Variants in FOCAD observed in about 807,000 individuals in gnomAD.
FOCAD encodes focadhesin, also known as KIAA1797.
Under a neutral mutation model 225.6 loss-of-function variants are expected in FOCAD, and 198 were observed. The ratio of observed to expected loss-of-function variants is 0.88; its 90% CI spans 0.78 to 0.99. The LOEUF is 0.99. Among genes scored for constraint, FOCAD ranks in the 50% least tolerant of loss-of-function variants. The pLI is 0.00. For missense variants in FOCAD, 2,713 were observed against 2,123.6 expected (o/e 1.28, Z -5.46); for synonymous variants, 897 against 755.0 (o/e 1.19, Z -3.08).
chr9:20,961,958 A>G (rs1051987568), intron 35 of FOCAD, among the ~76,000 whole-genome samples: 1 of 152,174 alleles, frequency 6.6e-6, no homozygotes, highest in Non-Finnish European at 1.5e-5. Flanking sequence ...AGAATCATCA[A>G]TTTATTTTAA....
intron 3 of FOCAD, among the ~76,000 whole-genome samples, chr9:20,719,622 A>G (rs1020085049): frequency 6.6e-6 from 1 of 152,102 alleles, no homozygotes; most frequent in African/African-American, 2.4e-5. Context: ...TGAGAAAGTT[A>G]TAAAAGCTAG....
chr9:20,755,806 G>GT (rs1351734127), intron 5 of FOCAD, among the ~76,000 whole-genome samples: 7 of 151,990 alleles, frequency 4.6e-5, no homozygotes, highest in Admixed American at 1.3e-4. Context: ...TGTAGTGAGT[G>GT]TTTTTTTGTT....
At chr9:20,984,264 C>T (rs1181780750) in intron 39 of FOCAD, among the ~76,000 whole-genome samples, 2 of 152,194 alleles carry the variant, frequency 1.3e-5, no homozygotes, top group Non-Finnish European at 2.9e-5. Context: ...GTTTCCCCAT[C>T]TGTAAAGGTG....
Position 20,862,617 on chromosome 9 carries a change from A to G in FOCAD, c.1960A>G (p.Lys654Glu). 1 of 1,613,624 alleles carries G rather than the reference A, an allele frequency of 6.2e-7. No homozygotes were observed. The highest frequency in any genetic ancestry group is 8.5e-7 in the Non-Finnish European group (1 of 1,179,668). Residue 654 changes from lysine to glutamate, a missense_variant, in exon 16 of 44, where the codon AAG becomes GAG. By Grantham distance (56) the Lys-to-Glu change is moderately conservative. Transcript: ENST00000338382. ...CTCCACTTGGAATGCTCTCTCTCCA[A>G]AGCTGAGTTGTGACACAAGACCTCT... is the stretch of plus-strand genomic sequence containing the variant. ...IRSTWNALSP[K>E]LSCDTRPLIL...
intron 37 of FOCAD, among the ~76,000 whole-genome samples, chr9:20,978,731 A>G (rs1233808364): frequency 1.3e-5 from 2 of 152,280 alleles, no homozygotes; most frequent in African/African-American, 2.4e-5. Flanking sequence ...TCATATAGCT[A>G]GAAAGTGGTG....
At chr9:20,840,496 A>C (rs1179399064) in intron 15 of FOCAD, among the ~76,000 whole-genome samples, 1 of 150,328 alleles carries the variant, frequency 6.7e-6, no homozygotes, top group Non-Finnish European at 1.5e-5. Flanking sequence ...GTTTATACTT[A>C]GGTATTTTAT....
At chr9:20,871,068 T>G (rs1203896340) in intron 18 of FOCAD, among the ~76,000 whole-genome samples, 1 of 151,774 alleles carries the variant, frequency 6.6e-6, no homozygotes, top group Non-Finnish European at 1.5e-5. Context: ...CCGGGAGTGG[T>G]GGTGCGGGGC....
chr9:20,993,099 A>G (rs973658541), intron 42 of FOCAD, among the ~76,000 whole-genome samples, 154 bp from the exon 43 acceptor site: 1 of 151,884 alleles, frequency 6.6e-6, no homozygotes, highest in Non-Finnish European at 1.5e-5. Context: ...CATCTCCTCC[A>G]CCTGGGGAAG....
intron 15 of FOCAD, among the ~76,000 whole-genome samples, chr9:20,829,468 G>T (rs1470985367): frequency 1.3e-5 from 2 of 151,796 alleles, no homozygotes; most frequent in Non-Finnish European, 2.9e-5. Context: ...GATATCCCAT[G>T]TAGTTTTCAT....
At chr9:20,695,195 A>AT (rs112576059) in intron 1 of FOCAD, among the ~76,000 whole-genome samples, 10 of 151,268 alleles carry the variant, frequency 6.6e-5, no homozygotes, top group African/African-American at 2.2e-4. Context: ...TTAGTGGCAA[A>AT]TTTTTTTTTA....
chr9:20,922,985 T>A (rs1431648193), intron 24 of FOCAD, among the ~76,000 whole-genome samples: 2 of 152,214 alleles, frequency 1.3e-5, no homozygotes, highest in Non-Finnish European at 2.9e-5. Flanking sequence ...ATTGCTGATA[T>A]TAGAAGGCTA....
At chr9:20,921,583 G>A (rs570503994) in intron 24 of FOCAD, among the ~76,000 whole-genome samples, 2 of 152,318 alleles carry the variant, frequency 1.3e-5, no homozygotes, top group Non-Finnish European at 2.9e-5. Flanking sequence ...TCAAGAGTTA[G>A]TCATGGTACC....
chr9:20,853,295 A>C (rs1429080118), intron 15 of FOCAD, among the ~76,000 whole-genome samples: 1 of 151,766 alleles, frequency 6.6e-6, no homozygotes, highest in Non-Finnish European at 1.5e-5. Flanking sequence ...ATAAAAAAGA[A>C]ACCTAACGTC....
intron 2 of FOCAD, among the ~76,000 whole-genome samples, chr9:20,664,064 C>T (rs1449878326): frequency 1.3e-5 from 2 of 151,906 alleles, no homozygotes; most frequent in Non-Finnish European, 2.9e-5. Flanking sequence ...AAAATATCAG[C>T]ATTGTTGTTT....
rs546741078 is a variant in FOCAD, at chr9:20,800,628, A to C, written c.1455+11020A>C. On this transcript the variant is annotated intron_variant, in intron 11 of 43. Coordinates refer to ENST00000338382, the MANE Select transcript of FOCAD (RefSeq NM_001375567.1). ...TTCCATCACTGATACCCTTTCTTCC[A>C]GTTGATCGAATCGGCTACTGAGGCT... Among the ~76,000 whole-genome samples, 11 of 152,152 alleles carry C rather than the reference A, an allele frequency of 7.2e-5. No homozygotes were observed. In the East Asian group the frequency reaches 1.9e-3, roughly 27 times the overall value.
intron 4 of FOCAD, among the ~76,000 whole-genome samples, chr9:20,730,157 C>G (rs565198510): frequency 6.6e-6 from 1 of 152,084 alleles, no homozygotes; most frequent in East Asian, 1.9e-4. Flanking sequence ...GGATTGTGTT[C>G]TTTTCTCAGG....
chr9:20,822,468 C>T (rs1380664577), intron 14 of FOCAD, among the ~76,000 whole-genome samples: 1 of 151,960 alleles, frequency 6.6e-6, no homozygotes, highest in Non-Finnish European at 1.5e-5. Flanking sequence ...ATGAATTTAG[C>T]ACAGTGCCTG....
At chr9:20,915,831 G>A (rs1180652144) in intron 23 of FOCAD, among the ~76,000 whole-genome samples, 1 of 152,014 alleles carries the variant, frequency 6.6e-6, no homozygotes, top group African/African-American at 2.4e-5. Context: ...ACAAGTGGAA[G>A]GTTTGACCTT....
At position 20,874,819 on chromosome 9, in the gene FOCAD, TTGGTAG is replaced by T. The variant is rs757836047; in HGVS notation, c.2317+14_2317+19del. 6.2e-7 allele frequency: 1 copy of T among 1,613,418 alleles called. No homozygotes were observed. The highest frequency in any genetic ancestry group is 1.7e-5 in the Admixed American group (1 of 59,990). ...TTTGGTTTTACCAGGTGACTCCTAT[TTGGTAG>T]TAGAGAAGCTAGCATTTTTTAGTGG... is the stretch of plus-strand genomic sequence containing the variant. On this transcript the variant is annotated intron_variant, in intron 19 of 43. Transcript: ENST00000338382.
Sources: gnomAD v4.1 joint callset for allele counts (sites outside exome capture counted in the v4.1 genomes callset) on GRCh38, gnomAD v4.1.1 for gene constraint, MANE v1.5 for transcripts, NCBI Gene and HGNC (gene_info 2026-07-23, HGNC 2026-07-21) for gene names.